Variants in COA1 observed in about 807,000 individuals in gnomAD.
The protein encoded by COA1 is cytochrome c oxidase assembly factor 1.
A neutral mutation model predicts 16.0 loss-of-function variants in COA1; 13 were observed. The ratio of observed to expected loss-of-function variants is 0.81; its 90% CI spans 0.53 to 1.29. COA1 has a LOEUF of 1.29. Among genes scored for constraint, COA1 ranks in the 50% most tolerant of loss-of-function variants. COA1 has a pLI of 0.00. For synonymous variants in COA1, 65 were observed against 65.7 expected (o/e 0.99, Z 0.05); for missense variants, 179 against 177.0 (o/e 1.01, Z -0.06).
intron 1 of COA1, among the ~76,000 whole-genome samples, chr7:43,669,316 TAGCAAACC>T (rs2093101815): frequency 6.6e-6 from 1 of 152,140 alleles, no homozygotes; most frequent in African/African-American, 2.4e-5. Flanking sequence ...GTTTCTTGTC[TAGCAAACC>T]CCAGCTCTTA....
chr7:43,634,618 C>T (rs1275597283), downstream of COA1, among the ~76,000 whole-genome samples: 1 of 152,166 alleles, frequency 6.6e-6, no homozygotes, highest in Admixed American at 6.5e-5. Context: ...GACACTGCTC[C>T]AGCAGGGGAT....
At chr7:43,709,299 T>C (rs2095124892) in intron 1 of COA1, among the ~76,000 whole-genome samples, 1 of 152,178 alleles carries the variant, frequency 6.6e-6, no homozygotes, top group Non-Finnish European at 1.5e-5. Context: ...GTGCTGGGAT[T>C]ACAGGTGTGA....
At chr7:43,700,531 TATATA>T (rs779347923) in intron 1 of COA1, among the ~76,000 whole-genome samples, 8 of 106,000 alleles carry the variant, frequency 7.5e-5, no homozygotes, top group Non-Finnish European at 1.5e-4. Flanking sequence ...TGTAGGCAGA[TATATA>T]TATATATATA....
In COA1 at chr7:43,645,438, T is replaced by G; in HGVS notation, c.116-39A>C. ...ACACACTTATTTTCTTTATTGAACT[T>G]GGTCAGGTAGAATCTACTACACAGA... On this transcript the variant is annotated intron_variant, in intron 3 of 5. Transcript: ENST00000223336. 2.5e-6 allele frequency: 4 copies of G among 1,595,198 alleles called. No individual in the cohort carries two copies. The African/African-American group carries it at 4.0e-5, about 16-fold the overall frequency.
intron 1 of COA1, among the ~76,000 whole-genome samples, chr7:43,662,216 C>T (rs999030098): frequency 6.6e-6 from 1 of 152,104 alleles, no homozygotes; most frequent in African/African-American, 2.4e-5. Flanking sequence ...TATTTGAGGA[C>T]AGATTATTTT....
rs375838904 is a variant in COA1 at position 43,640,512 on chromosome 7, G to T, written c.341+61C>A. 2.1e-4 allele frequency: 237 copies of T among 1,105,836 alleles called. 1 individual carries two copies. Among genetic ancestry groups the T allele is most frequent in the Non-Finnish European group, 3.1e-4 (227 of 735,624 alleles). The allele number at this position is 1,105,836 out of a possible 1,614,324, so 68.5% of individuals were successfully genotyped here. On this transcript the variant is annotated intron_variant, in intron 5 of 5. Coordinates refer to ENST00000223336, the MANE Select transcript of COA1 (RefSeq NM_018224.4). ...TAACAACAAATGAAAACGGAGTTGG[G>T]GTTGCTTTCATCAGGAAGTCTTCCT... is the stretch of plus-strand genomic sequence containing the variant.
intron 6 of COA1, among the ~76,000 whole-genome samples, chr7:43,610,665 T>C (rs114294743): frequency 0.011 from 1,702 of 152,204 alleles, 30 homozygotes; most frequent in African/African-American, 0.037. Context: ...AGACTTCGTC[T>C]CAAAAAAAGA....
In COA1 at chr7:43,648,659, T is replaced by G. The variant is rs752442867; in HGVS notation, c.-38-7A>C. ...TCATCAAAGGCAAGTTGTCCTGCAA[T>G]TAGAAAAGATTTTACATTAAAATCA... is the stretch of plus-strand genomic sequence containing the variant. On this transcript the variant is annotated splice_region_variant and splice_polypyrimidine_tract_variant and intron_variant, in intron 1 of 5. Coordinates refer to ENST00000223336, the MANE Select transcript of COA1 (RefSeq NM_018224.4). The G allele has an allele frequency of 2.5e-6, 4 of 1,601,714 alleles. No individual in the cohort carries two copies. The South Asian group carries it at 4.4e-5, about 18-fold the overall frequency.
chr7:43,714,224 C>T (rs1345967164), intron 1 of COA1, among the ~76,000 whole-genome samples: 1 of 151,836 alleles, frequency 6.6e-6, no homozygotes, highest in African/African-American at 2.4e-5. Context: ...AGTGAATCAT[C>T]TTTTTGTAAT....
intron 5 of COA1, 47 bp from the exon 6 acceptor site, chr7:43,639,728 G>C: frequency 1.4e-6 from 2 of 1,463,044 alleles, no homozygotes; most frequent in Non-Finnish European, 1.9e-6. Context: ...GAAGGCTGAG[G>C]CAACAGCCGT....
rs530757486 is a variant in COA1, at chr7:43,661,515, G to C, written c.-38-12863C>G. Among the ~76,000 whole-genome samples, 7 of 152,186 alleles carry C rather than the reference G, an allele frequency of 4.6e-5. No homozygotes were observed. In the South Asian group the frequency reaches 8.3e-4, roughly 18 times the overall value. ...CCAGGCGTGGTGGCGGGCGCCTGTA[G>C]TCCCAGCTACTGGGGAGGCTGAGGC... is the stretch of plus-strand genomic sequence containing the variant. On this transcript the variant is annotated intron_variant, in intron 1 of 5. Coordinates refer to ENST00000223336, the MANE Select transcript of COA1 (RefSeq NM_018224.4).
intron 1 of COA1, among the ~76,000 whole-genome samples, chr7:43,685,569 TA>T (rs1482287688): frequency 1.3e-5 from 2 of 152,192 alleles, no homozygotes; most frequent in Non-Finnish European, 2.9e-5. Context: ...CACAAGTACT[TA>T]ATCAAAACTT....
At chr7:43,624,899 A>AT in intron 6 of COA1, 1 of 1,449,716 alleles carries the variant, frequency 6.9e-7, no homozygotes, top group Non-Finnish European at 9.3e-7. Flanking sequence ...AATATTATTT[A>AT]TGGACCTCTG....
downstream of COA1, among the ~76,000 whole-genome samples, chr7:43,636,004 T>C (rs2085814569): frequency 6.6e-6 from 1 of 152,206 alleles, no homozygotes; most frequent in Non-Finnish European, 1.5e-5. Context: ...AAAAGTTTCC[T>C]TAAAAAAATT....
intron 4 of COA1, among the ~76,000 whole-genome samples, chr7:43,644,797 GAC>G (rs1401257463): frequency 0.054 from 3,979 of 73,152 alleles, 175 homozygotes; most frequent in African/African-American, 0.094. Flanking sequence ...CAGGCAGAGA[GAC>G]AGAGAGAGAG....
chr7:43,663,430 T>C (rs141616631), intron 1 of COA1, among the ~76,000 whole-genome samples: 1,903 of 152,298 alleles, frequency 0.012, 17 homozygotes, highest in Middle Eastern at 0.02. Context: ...AATACCACTC[T>C]GCCTTAATTA....
intron 1 of COA1, among the ~76,000 whole-genome samples, chr7:43,663,648 G>A (rs1263069696): frequency 3.0e-5 from 3 of 98,668 alleles, no homozygotes; most frequent in Non-Finnish European, 5.4e-5. Flanking sequence ...CAGCCTCTGC[G>A]ACATAAAGAC....
intron 1 of COA1, among the ~76,000 whole-genome samples, chr7:43,699,396 GTC>G (rs1421574599): frequency 6.6e-6 from 1 of 152,164 alleles, no homozygotes; most frequent in African/African-American, 2.4e-5. Context: ...AGTTAATTAT[GTC>G]TGTTTAAAGT....
chr7:43,652,001 C>T (rs2090918716), intron 1 of COA1, among the ~76,000 whole-genome samples: 1 of 152,090 alleles, frequency 6.6e-6, no homozygotes, highest in African/African-American at 2.4e-5. Flanking sequence ...TGTTTCAAAA[C>T]AAACAAACAA....
Sources: allele counts gnomAD v4.1 joint callset (sites outside exome capture counted in the v4.1 genomes callset), GRCh38; gene constraint gnomAD v4.1.1; transcripts MANE v1.5; gene names NCBI Gene and HGNC (gene_info 2026-07-23, HGNC 2026-07-21).